The following PTPRD variants were observed in gnomAD, a reference collection of about 807,000 sequenced individuals.
PTPRD encodes receptor-type tyrosine-protein phosphatase delta.
PTPRD carries 34 observed loss-of-function variants against 214.5 expected under a neutral mutation model. That is an observed-to-expected ratio of 0.16 (90% confidence interval 0.12 to 0.21). The LOEUF (loss-of-function observed/expected upper bound fraction) is 0.21. PTPRD is among the 10% of genes least tolerant of loss of function. PTPRD has a pLI of 1.00. For missense variants in PTPRD, 2,545 were observed against 2,398.7 expected (o/e 1.06, Z -1.27); for synonymous variants, 1,128 against 845.7 (o/e 1.33, Z -5.79).
In PTPRD at chr9:8,636,681, G is replaced by C. The variant is rs2096446595; in HGVS notation, c.210+18C>G. 2 of 1,612,732 alleles carry C rather than the reference G, an allele frequency of 1.2e-6. No individual in the cohort carries two copies. The highest frequency in any genetic ancestry group is 1.7e-6 in the Non-Finnish European group (2 of 1,178,926). On this transcript the variant is annotated intron_variant, in intron 13 of 45. Coordinates refer to ENST00000381196, the MANE Select transcript of PTPRD (RefSeq NM_002839.4). ...GATACATTCTTCCCCCAGAGAAACA[G>C]AACAATGGACCTAATACCTCAAATC...
chr9:8,423,355 G>T (rs1396427728), intron 35 of PTPRD, among the ~76,000 whole-genome samples: 4 of 152,140 alleles, frequency 2.6e-5, no homozygotes, highest in African/African-American at 9.7e-5. Flanking sequence ...ATGTAGGTAG[G>T]CAGTGGTTTT....
intron 11 of PTPRD, among the ~76,000 whole-genome samples, chr9:8,859,000 A>T (rs1348521180): frequency 6.6e-6 from 1 of 152,326 alleles, no homozygotes; most frequent in Non-Finnish European, 1.5e-5. Context: ...GCAAAGGAGG[A>T]AAAAATGCTG....
chr9:9,599,302 A>G (rs1466493612), intron 7 of PTPRD, among the ~76,000 whole-genome samples: 1 of 152,064 alleles, frequency 6.6e-6, no homozygotes, highest in Non-Finnish European at 1.5e-5. Flanking sequence ...TCAGCCTTAG[A>G]AAGGACACAC....
intron 8 of PTPRD, among the ~76,000 whole-genome samples, chr9:9,485,756 A>G (rs1304117931): frequency 9.2e-5 from 14 of 152,046 alleles, no homozygotes; most frequent in Admixed American, 8.5e-4. Context: ...CTGATCCCTA[A>G]CTGTCCCTCT....
At chr9:9,197,694 A>T (rs2099939430) in intron 9 of PTPRD, among the ~76,000 whole-genome samples, 1 of 152,194 alleles carries the variant, frequency 6.6e-6, no homozygotes, top group Non-Finnish European at 1.5e-5. Flanking sequence ...TACAGGCATG[A>T]GCCACCATGT....
chr9:9,697,986 TTC>T (rs1489430761), intron 7 of PTPRD, among the ~76,000 whole-genome samples: 1 of 152,194 alleles, frequency 6.6e-6, no homozygotes, highest in Non-Finnish European at 1.5e-5. Flanking sequence ...GCTCCAGGAA[TTC>T]TGTTTCAATT....
intron 3 of PTPRD, among the ~76,000 whole-genome samples, chr9:10,184,863 G>C (rs903805432): frequency 1.1e-4 from 16 of 152,136 alleles, no homozygotes; most frequent in African/African-American, 3.6e-4. Context: ...CTCTGTAATT[G>C]GCAGTGAGTT....
At chr9:9,703,352 T>C (rs999436875) in intron 7 of PTPRD, among the ~76,000 whole-genome samples, 1 of 152,180 alleles carries the variant, frequency 6.6e-6, no homozygotes, top group Non-Finnish European at 1.5e-5. Context: ...AATGGACTAA[T>C]ACAATTATCA....
chr9:9,994,936 A>T (rs542252378), intron 4 of PTPRD, among the ~76,000 whole-genome samples: 1 of 152,048 alleles, frequency 6.6e-6, no homozygotes, highest in African/African-American at 2.4e-5. Context: ...AACTATATTC[A>T]CTGTATTTTA....
chr9:10,019,310 C>T (rs1016726783), intron 4 of PTPRD, among the ~76,000 whole-genome samples: 3 of 152,138 alleles, frequency 2.0e-5, no homozygotes, highest in African/African-American at 7.2e-5. Context: ...GAAATAGGAA[C>T]ACTTTTACAC....
At chr9:9,417,235 G>A (rs117760390) in intron 8 of PTPRD, among the ~76,000 whole-genome samples, 1 of 152,160 alleles carries the variant, frequency 6.6e-6, no homozygotes, top group East Asian at 1.9e-4. Context: ...AAATTTAAAT[G>A]GAATGTTAAT....
chr9:8,338,380 C>A (rs1849032706), intron 43 of PTPRD, among the ~76,000 whole-genome samples: 1 of 152,076 alleles, frequency 6.6e-6, no homozygotes, highest in Non-Finnish European at 1.5e-5. Flanking sequence ...GCACAGCTCT[C>A]ATGGACAGAC....
At chr9:10,498,692 A>T (rs979778431) in intron 2 of PTPRD, among the ~76,000 whole-genome samples, 1 of 151,962 alleles carries the variant, frequency 6.6e-6, no homozygotes, top group Non-Finnish European at 1.5e-5. Context: ...TATAAATAGC[A>T]ATTAAGGTAA....
intron 30 of PTPRD, among the ~76,000 whole-genome samples, chr9:8,479,709 T>C (rs1045429608): frequency 4.6e-5 from 7 of 152,350 alleles, no homozygotes; most frequent in South Asian, 2.1e-4. Flanking sequence ...GAACAGCCTC[T>C]AAAAGGTCAT....
chr9:10,344,567 GA>G (rs2097027679), intron 2 of PTPRD, among the ~76,000 whole-genome samples: 1 of 152,122 alleles, frequency 6.6e-6, no homozygotes. Flanking sequence ...ATTCTGTGAA[GA>G]AAGTCTTTGG....
intron 12 of PTPRD, among the ~76,000 whole-genome samples, chr9:8,670,005 G>A (rs1387371785): frequency 1.3e-5 from 2 of 150,408 alleles, no homozygotes; most frequent in African/African-American, 2.4e-5. Flanking sequence ...TATAGGGGTC[G>A]GTGTTTTCTG....
At chr9:10,280,540 G>A (rs1425528493) in intron 3 of PTPRD, among the ~76,000 whole-genome samples, 4 of 152,108 alleles carry the variant, frequency 2.6e-5, no homozygotes, top group South Asian at 2.1e-4. Context: ...AGAAACACAC[G>A]AAGATCCTGT....
chr9:9,085,164 ACTTTCT>A (rs904844776), intron 10 of PTPRD, among the ~76,000 whole-genome samples: 134 of 152,286 alleles, frequency 8.8e-4, no homozygotes, highest in African/African-American at 3.2e-3. Flanking sequence ...ACTTAAAGTG[ACTTTCT>A]CTTTCTGTCA....
intron 2 of PTPRD, among the ~76,000 whole-genome samples, chr9:10,402,721 T>C (rs2098290335): frequency 6.6e-6 from 1 of 151,678 alleles, no homozygotes; most frequent in Non-Finnish European, 1.5e-5. Flanking sequence ...CCTAATTTTG[T>C]CTATCTCTGA....
Sources: allele counts gnomAD v4.1 joint callset (sites outside exome capture counted in the v4.1 genomes callset), GRCh38; gene constraint gnomAD v4.1.1; transcripts MANE v1.5; gene names NCBI Gene and HGNC (gene_info 2026-07-23, HGNC 2026-07-21).